ADGRL3: variants seen among roughly 807,000 people sequenced by gnomAD.
ADGRL3 encodes the protein calcium-independent alpha-latrotoxin receptor 3.
A neutral mutation model predicts 153.5 loss-of-function variants in ADGRL3; 62 were observed. The observed-to-expected ratio is 0.40, with a 90% confidence interval of 0.33 to 0.50. ADGRL3 has a LOEUF of 0.50. ADGRL3 is among the 20% of genes least tolerant of loss of function. ADGRL3 has a pLI of 0.47. For synonymous variants in ADGRL3, 710 were observed against 672.5 expected (o/e 1.06, Z -0.86); for missense variants, 1,641 against 1,859.4 (o/e 0.88, Z 2.16).
intron 6 of ADGRL3, among the ~76,000 whole-genome samples, chr4:61,701,622 A>G (rs1237930285): frequency 6.6e-6 from 1 of 151,424 alleles, no homozygotes; most frequent in African/African-American, 2.4e-5. Flanking sequence ...TTTTTAGTAG[A>G]GATGGGGTTT....
At chr4:62,044,679 G>A in intron 25 of ADGRL3, 130 bp downstream of exon 25, 1 of 584,878 alleles carries the variant, frequency 1.7e-6, no homozygotes, top group East Asian at 3.0e-5. Context: ...ATAAAACTTG[G>A]TTGAGTGTAG....
At chr4:61,973,796 G>A (rs531245979) in intron 17 of ADGRL3, among the ~76,000 whole-genome samples, 14 of 151,846 alleles carry the variant, frequency 9.2e-5, no homozygotes, top group African/African-American at 3.4e-4. Context: ...TGTTTGCTAC[G>A]TTATTTGTCT....
chr4:61,567,162 G>T (rs1187009262), intron 4 of ADGRL3, among the ~76,000 whole-genome samples: 1 of 152,140 alleles, frequency 6.6e-6, no homozygotes, highest in Non-Finnish European at 1.5e-5. Context: ...TTCCAGATGA[G>T]AGAACTAAGA....
chr4:61,700,487 A>G (rs1192384042), intron 6 of ADGRL3, among the ~76,000 whole-genome samples: 1 of 152,184 alleles, frequency 6.6e-6, no homozygotes, highest in East Asian at 1.9e-4. Flanking sequence ...CCGCGGATTC[A>G]GGAAAGAATA....
intron 4 of ADGRL3, among the ~76,000 whole-genome samples, chr4:61,585,248 C>T (rs2098941662): frequency 6.6e-6 from 1 of 151,924 alleles, no homozygotes; most frequent in Admixed American, 6.6e-5. Context: ...CTTCAAGTGA[C>T]CTGTTAACCT....
intron 1 of ADGRL3, among the ~76,000 whole-genome samples, chr4:61,346,990 G>A (rs1234999386): frequency 6.6e-6 from 1 of 152,016 alleles, no homozygotes; most frequent in South Asian, 2.1e-4. Context: ...GAGTACTAGA[G>A]GGGGCATGAT....
intron 1 of ADGRL3, among the ~76,000 whole-genome samples, chr4:61,218,068 A>C (rs1347697212): frequency 6.6e-6 from 1 of 152,234 alleles, no homozygotes; most frequent in Non-Finnish European, 1.5e-5. Flanking sequence ...TACAGTATGT[A>C]ATGATAAAGA....
chr4:61,588,485 T>C (rs2149368149), intron 5 of ADGRL3, among the ~76,000 whole-genome samples: 1 of 152,060 alleles, frequency 6.6e-6, no homozygotes, highest in East Asian at 1.9e-4. Context: ...AAATTATAAA[T>C]ACGAATTATA....
Position 61,563,482 on chromosome 4 carries a change from C to T in ADGRL3, c.260-23745C>T, listed in dbSNP as rs2098803779. Among the ~76,000 whole-genome samples, 3 of 152,158 alleles carry T rather than the reference C, an allele frequency of 2.0e-5. No individual in the cohort carries two copies. In the South Asian group the frequency reaches 6.2e-4, roughly 32 times the overall value. ...CTACATTAGCCTTTTACAAGAAAGTCAGCCCGTCCTTTGAAGTTTGAAGCC... is the reference window on the plus strand; with the variant it reads ...CTACATTAGCCTTTTACAAGAAAGTTAGCCCGTCCTTTGAAGTTTGAAGCC... On this transcript the variant is annotated intron_variant, in intron 4 of 26. Coordinates refer to ENST00000683033, the MANE Select transcript of ADGRL3 (RefSeq NM_001387552.1).
rs1019856891 is a variant in ADGRL3, at chr4:61,971,700, A to G, written c.2806-7863A>G. Among the ~76,000 whole-genome samples the G allele has an allele frequency of 1.4e-3, 218 of 152,230 alleles. 2 individuals are homozygous for G. Among genetic ancestry groups the G allele is most frequent in the African/African-American group, 4.8e-3 (200 of 41,560 alleles). On this transcript the variant is annotated intron_variant, in intron 17 of 26. Coordinates refer to ENST00000683033, the MANE Select transcript of ADGRL3 (RefSeq NM_001387552.1). ...TAATGGGATGGCTGTGTCAAATGGT[A>G]TTTCTAGTTCTAGATCCCTGAGGAA...
intron 5 of ADGRL3, among the ~76,000 whole-genome samples, chr4:61,604,697 A>G (rs1330508714): frequency 6.6e-6 from 1 of 152,210 alleles, no homozygotes; most frequent in African/African-American, 2.4e-5. Context: ...CAAATGAGGC[A>G]TTGTTAGATA....
chr4:61,698,686 G>A (rs1485038823), intron 6 of ADGRL3, among the ~76,000 whole-genome samples: 1 of 152,082 alleles, frequency 6.6e-6, no homozygotes, highest in Middle Eastern at 3.2e-3. Flanking sequence ...TGACATATGT[G>A]ATTAGGTATT....
At chr4:61,713,283 A>AT (rs1355065498) in intron 6 of ADGRL3, among the ~76,000 whole-genome samples, 1 of 151,836 alleles carries the variant, frequency 6.6e-6, no homozygotes, top group African/African-American at 2.4e-5. Flanking sequence ...GAGTATACTC[A>AT]TTTTTTTCCT....
At chr4:61,855,141 T>A (rs116170449) in intron 9 of ADGRL3, among the ~76,000 whole-genome samples, 1 of 152,326 alleles carries the variant, frequency 6.6e-6, no homozygotes, top group Non-Finnish European at 1.5e-5. Flanking sequence ...TAGTTAATGA[T>A]AACTTACGAG....
rs142710147 is a variant in ADGRL3 at position 61,806,136 on chromosome 4, A to G, written c.1400-7673A>G. Among the ~76,000 whole-genome samples the G allele has an allele frequency of 5.1e-4, 77 of 152,302 alleles. 2 individuals carry two copies. The East Asian group carries it at 0.013, about 26-fold the overall frequency. On this transcript the variant is annotated intron_variant, in intron 8 of 26. Transcript: ENST00000683033. ...ATTCTGGTGGGTCCTAGGATGACAGAGTACACATATGAGCTGCAGGTGGTA... is the reference window on the plus strand; with the variant it reads ...ATTCTGGTGGGTCCTAGGATGACAGGGTACACATATGAGCTGCAGGTGGTA...
chr4:61,863,660 T>C (rs1320346834), intron 9 of ADGRL3, among the ~76,000 whole-genome samples: 1 of 146,178 alleles, frequency 6.8e-6, no homozygotes, highest in Non-Finnish European at 1.5e-5. Flanking sequence ...TTTTCAACCA[T>C]GATTTAATAG....
intron 6 of ADGRL3, among the ~76,000 whole-genome samples, chr4:61,685,156 G>A (rs2095419444): frequency 6.6e-6 from 1 of 152,098 alleles, no homozygotes; most frequent in Non-Finnish European, 1.5e-5. Flanking sequence ...GGGCTCAAGA[G>A]ATCCACCCAC....
chr4:61,655,529 C>T (rs914192121), intron 5 of ADGRL3, among the ~76,000 whole-genome samples: 1 of 151,840 alleles, frequency 6.6e-6, no homozygotes, highest in South Asian at 2.1e-4. Flanking sequence ...TTGAAAAAAA[C>T]AGAAATACAC....
rs545283635 is a variant in ADGRL3, at chr4:61,923,240, CTT to C, written c.2112+10485_2112+10486del. Among the ~76,000 whole-genome samples the C allele has an allele frequency of 1.8e-4, 28 of 152,310 alleles. 1 individual carries two copies. In the South Asian group the frequency reaches 5.8e-3, roughly 32 times the overall value. Reference sequence around the variant, plus strand: ...TTTGCAAAACGACTTTGGCTACAAACTTTGTTTTCCTCTGATACTGATTCTTA... The same window carrying C: ...TTTGCAAAACGACTTTGGCTACAAACTGTTTTCCTCTGATACTGATTCTTA... On this transcript the variant is annotated intron_variant, in intron 13 of 26. Transcript: ENST00000683033.
Sources: gnomAD v4.1 joint callset for allele counts (sites outside exome capture counted in the v4.1 genomes callset) on GRCh38, gnomAD v4.1.1 for gene constraint, MANE v1.5 for transcripts, NCBI Gene and HGNC (gene_info 2026-07-23, HGNC 2026-07-21) for gene names.